GBP4: variants seen among roughly 807,000 people sequenced by gnomAD.
GBP4 encodes guanylate binding protein 4.
In GBP4, 69 loss-of-function variants were observed where a neutral mutation model predicts 62.2. The ratio of observed to expected loss-of-function variants is 1.11; its 90% confidence interval spans 0.91 to 1.36. GBP4 has a LOEUF of 1.36. GBP4 is among the 40% of genes most tolerant of loss of function. The pLI is 0.00. For synonymous variants in GBP4, 278 were observed against 274.6 expected (o/e 1.01, Z -0.12); for missense variants, 697 against 759.3 (o/e 0.92, Z 0.96).
rs1228542102 is a variant in GBP4 at position 89,190,044 on chromosome 1, C to T, written c.1191G>A (p.Lys397=). Residue 397 remains lysine, a synonymous_variant, in exon 7 of 11, where the codon AAG becomes AAA. Coordinates refer to ENST00000355754, the MANE Select transcript of GBP4 (RefSeq NM_052941.5). The part of the protein sequence containing the change: ...FKDENHEFQK[K]LVDTIEKKKG... ...GGATAAATGCTAAAAGTACCACAAG[C>T]TTCTTCTGGAATTCATGGTTTTCAT... 2 of 1,606,076 alleles carry T rather than the reference C, an allele frequency of 1.2e-6. No homozygotes were observed. The highest frequency in any genetic ancestry group is 8.5e-7 in the Non-Finnish European group (1 of 1,174,126).
intron 3 of GBP4, among the ~76,000 whole-genome samples, chr1:89,193,835 C>T (rs1648254480): frequency 6.6e-6 from 1 of 152,178 alleles, no homozygotes; most frequent in African/African-American, 2.4e-5. Context: ...TCACGACAGT[C>T]CCTGCCTTCA....
In GBP4 at chr1:89,191,515, T is replaced by C. The variant is rs780772734; in HGVS notation, c.671-9A>G. ...AATTTTGGGATTCTTGCCTGTGGAATTGTAAAAAAGAGGGCTCATTGAAGA... is the reference window on the plus strand; with the variant it reads ...AATTTTGGGATTCTTGCCTGTGGAACTGTAAAAAAGAGGGCTCATTGAAGA... On this transcript the variant is annotated splice_polypyrimidine_tract_variant and intron_variant, in intron 5 of 10. Coordinates refer to ENST00000355754, the MANE Select transcript of GBP4 (RefSeq NM_052941.5). 9.9e-6 allele frequency: 16 copies of C among 1,609,214 alleles called. No individual in the cohort carries two copies. The highest frequency in any genetic ancestry group is 3.4e-5 in the Admixed American group (2 of 59,688).
intron 3 of GBP4, among the ~76,000 whole-genome samples, chr1:89,194,913 G>T (rs1228435655): frequency 1.3e-5 from 2 of 151,992 alleles, no homozygotes; most frequent in Non-Finnish European, 2.9e-5. Flanking sequence ...TCTCTAAGTC[G>T]AATGACTGAA....
At chr1:89,190,430 A>T in intron 6 of GBP4, 112 bp from the exon 7 acceptor site, 9 of 864,594 alleles carry the variant, frequency 1.0e-5, no homozygotes, top group Non-Finnish European at 1.6e-5. Flanking sequence ...GAAGTTTCTT[A>T]TCACTCCTTT....
intron 2 of GBP4, 124 bp downstream of exon 2, chr1:89,196,986 G>T: frequency 1.5e-6 from 1 of 669,854 alleles, no homozygotes; most frequent in Non-Finnish European, 2.4e-6. Flanking sequence ...TTAGTGGTGA[G>T]AATTAGAAGT....
intron 10 of GBP4, among the ~76,000 whole-genome samples, 184 bp downstream of exon 10, chr1:89,186,149 A>G (rs1404372260): frequency 1.3e-5 from 2 of 152,222 alleles, no homozygotes; most frequent in Non-Finnish European, 2.9e-5. Flanking sequence ...AACAAGAAGA[A>G]GATGGTGGAT....
chr1:89,196,665 A>G (rs1648349471), intron 2 of GBP4, among the ~76,000 whole-genome samples: 1 of 152,262 alleles, frequency 6.6e-6, no homozygotes, highest in Non-Finnish European at 1.5e-5. Context: ...TTTGCCATGA[A>G]ATGAAGCAAA....
Position 89,183,308 on chromosome 1 carries a change from C to T in GBP4, c.*1946G>A, listed in dbSNP as rs182589216. On this transcript the variant is annotated 3_prime_UTR_variant, in exon 11 of 11. Transcript: ENST00000355754. ...AAAAACAAGCAATGGGGAAAGAAGTCCCCATTTAATAAATGGTGCTGGGAT... is the reference window on the plus strand; with the variant it reads ...AAAAACAAGCAATGGGGAAAGAAGTTCCCATTTAATAAATGGTGCTGGGAT... The T allele has an allele frequency of 6.6e-6, 1 of 152,234 alleles. No homozygotes were observed. The highest frequency in any genetic ancestry group is 2.4e-5 in the African/African-American group (1 of 41,544). The allele number at this position is 152,234 out of a possible 1,614,324, so 9.4% of individuals were successfully genotyped here. A position where few individuals can be genotyped will look rare whatever the true frequency, so the allele number is the denominator to read the frequency against.
chr1:89,185,936 T>A (rs1648023264), intron 10 of GBP4, among the ~76,000 whole-genome samples: 1 of 152,222 alleles, frequency 6.6e-6, no homozygotes, highest in African/African-American at 2.4e-5. Context: ...ATTTGTGATC[T>A]TTCAGTATCA....
intron 4 of GBP4, 69 bp downstream of exon 4, chr1:89,193,234 G>A: frequency 6.5e-7 from 1 of 1,541,874 alleles, no homozygotes; most frequent in Non-Finnish European, 8.9e-7. Flanking sequence ...TCACAGCAAA[G>A]AAGACACAGT....
At chr1:89,186,960 A>T (rs1222043547) in intron 9 of GBP4, 40 bp downstream of exon 9, 1 of 1,569,380 alleles carries the variant, frequency 6.4e-7, no homozygotes, top group Non-Finnish European at 8.8e-7. Context: ...CATTGCAGGA[A>T]ACTCCCAATC....
In GBP4 at chr1:89,186,359, C is replaced by A. The variant is rs1557472688; in HGVS notation, c.1681G>T (p.Glu561Ter). 1 of 1,613,106 alleles carries A rather than the reference C, an allele frequency of 6.2e-7. No individual in the cohort carries two copies. Among genetic ancestry groups the A allele is most frequent in the Non-Finnish European group, 8.5e-7 (1 of 1,179,106 alleles). Residue 561 changes from glutamate to a stop codon, truncating the protein, a stop_gained, in exon 10 of 11, where the codon GAA becomes TAA. Transcript: ENST00000355754. LOFTEE classifies it low-confidence loss of function (END_TRUNC). ...EERENLLREHERLLKHKLKVQ... is the reference protein window; with the variant it reads ...EERENLLREH ...TTCAGCTTGTGTTTTAGCAGCCTTTCATGCTCTCTGAGAAGGTTTTCCCTT... is the reference window on the plus strand; with the variant it reads ...TTCAGCTTGTGTTTTAGCAGCCTTTAATGCTCTCTGAGAAGGTTTTCCCTT...
chr1:89,198,810 C>G lies in GBP4; in HGVS notation c.25G>C (p.Ala9Pro). 3.7e-6 allele frequency: 6 copies of G among 1,613,846 alleles called. No homozygotes were observed. The highest frequency in any genetic ancestry group is 5.1e-6 in the Non-Finnish European group (6 of 1,179,730). ...GCAAACTTACCTGGTGTGGGCACTGCAGCGTGAAGAGTTCTCTCACCCATT... is the reference window on the plus strand; with the variant it reads ...GCAAACTTACCTGGTGTGGGCACTGGAGCGTGAAGAGTTCTCTCACCCATT... The part of the protein sequence containing the change: MGERTLHA[A>P]VPTPGYPESE... The change falls in exon 1 of 11, where the codon GCA (alanine) becomes CCA (proline). Residue 9 changes from alanine (A) to proline (P), a missense_variant. By Grantham distance (27) the Ala-to-Pro change is conservative (BLOSUM62 -1). Transcript: ENST00000355754.
chr1:89,181,176 G>C lies in GBP4; in HGVS notation c.*4078C>G, dbSNP rs1647869976. The stretch of plus-strand genomic sequence containing the variant: ...GAGCAATAAAGCTTTTTAATCACCT[G>C]GGTGCAGGCTGGCTGAGTCCGAAAA... On this transcript the variant is annotated 3_prime_UTR_variant, in exon 11 of 11. Coordinates refer to ENST00000355754, the MANE Select transcript of GBP4 (RefSeq NM_052941.5). The C allele has an allele frequency of 6.6e-6, 1 of 152,132 alleles. No homozygotes were observed. The allele number at this position is 152,132 out of a possible 1,614,324, so 9.4% of individuals were successfully genotyped here. A position where few individuals can be genotyped will look rare whatever the true frequency, so the allele number is the denominator to read the frequency against.
chr1:89,198,706 CT>C, intron 1 of GBP4, 88 bp downstream of exon 1: 1 of 1,147,762 alleles, frequency 8.7e-7, no homozygotes, highest in Non-Finnish European at 1.3e-6. Context: ...GTCTCCAACC[CT>C]CCCCGTGTGC....
At chr1:89,190,510 C>T (rs1018880787) in intron 6 of GBP4, among the ~76,000 whole-genome samples, 192 bp from the exon 7 acceptor site, 11 of 152,064 alleles carry the variant, frequency 7.2e-5, no homozygotes, top group African/African-American at 2.2e-4. Flanking sequence ...CCTATTTTTC[C>T]TATTCACTCT....
chr1:89,191,421 G>T lies in GBP4; in HGVS notation c.756C>A (p.Asp252Glu), dbSNP rs552803965. 115 of 1,614,056 alleles carry T rather than the reference G, an allele frequency of 7.1e-5. No individual in the cohort carries two copies. The highest frequency in any genetic ancestry group is 9.4e-5 in the Non-Finnish European group (111 of 1,180,024). Reference protein sequence around the residue: ...FFRKRKCFVFDRPTNDKQYLN... With the variant: ...FFRKRKCFVFERPTNDKQYLN... The stretch of plus-strand genomic sequence containing the variant: ...AATATTGCTTGTCATTTGTAGGCCG[G>T]TCAAAGACAAAGCACTTCCGTTTTC... The change falls in exon 6 of 11, where the codon GAC becomes GAA. Residue 252 changes from aspartate to glutamate, a missense_variant. Physicochemically the swap from Asp to Glu is conservative, Grantham distance 45. Around this residue, in one of 2 missense-constraint regions of GBP4, gnomAD observed 556 missense variants for 562.7 expected, o/e 0.99. Coordinates refer to ENST00000355754, the MANE Select transcript of GBP4 (RefSeq NM_052941.5).
intron 2 of GBP4, among the ~76,000 whole-genome samples, chr1:89,196,668 GA>G (rs1648349606): frequency 6.6e-6 from 1 of 152,160 alleles, no homozygotes; most frequent in Admixed American, 6.5e-5. Flanking sequence ...GCCATGAAAT[GA>G]AGCAAAAAAT....
At chr1:89,190,748 A>G (rs1648160756) in intron 6 of GBP4, among the ~76,000 whole-genome samples, 1 of 151,874 alleles carries the variant, frequency 6.6e-6, no homozygotes, top group Non-Finnish European at 1.5e-5. Context: ...GAGACAAGAA[A>G]TTTTTATTTG....
Sources: allele counts gnomAD v4.1 joint callset (sites outside exome capture counted in the v4.1 genomes callset), GRCh38; gene constraint gnomAD v4.1.1; regional missense constraint gnomAD v4.1.1; transcripts MANE v1.5; gene names NCBI Gene and HGNC (gene_info 2026-07-23, HGNC 2026-07-21).